NLGN1: variants seen among roughly 807,000 people sequenced by gnomAD.
NLGN1 encodes neuroligin-1.
NLGN1 carries 12 observed loss-of-function variants against 65.5 expected under a neutral mutation model. The observed-to-expected ratio is 0.18, with a 90% confidence interval of 0.12 to 0.30. The LOEUF (loss-of-function observed/expected upper bound fraction) is 0.30, where lower values mean the gene tolerates loss of function less well. Ranked by LOEUF, NLGN1 falls within the 10% of genes least tolerant of loss-of-function variation. The probability of loss-of-function intolerance (pLI) is 1.00; values close to 1 mark genes in which losing one functional copy is unlikely to be tolerated. For missense variants in NLGN1, 750 were observed against 1,007.1 expected (o/e 0.74, Z 3.46); for synonymous variants, 350 against 359.5 (o/e 0.97, Z 0.30).
At chr3:174,269,780 G>T (rs1372112012) in intron 4 of NLGN1, among the ~76,000 whole-genome samples, 1 of 151,670 alleles carries the variant, frequency 6.6e-6, no homozygotes, top group Non-Finnish European at 1.5e-5. Flanking sequence ...TTTTGATAAG[G>T]GTTACATGTT....
At chr3:173,772,339 C>T (rs1477377153) in intron 3 of NLGN1, among the ~76,000 whole-genome samples, 6 of 151,990 alleles carry the variant, frequency 3.9e-5, no homozygotes, top group African/African-American at 7.2e-5. Context: ...AATATGAAGC[C>T]GGGCATGGTG....
intron 4 of NLGN1, among the ~76,000 whole-genome samples, chr3:174,260,783 G>T (rs1246116269): frequency 6.8e-6 from 1 of 148,144 alleles, no homozygotes; most frequent in Non-Finnish European, 1.5e-5. Flanking sequence ...GAATGGTAAT[G>T]CCTAGGTTTT....
At chr3:174,110,664 G>A (rs573387968) in intron 4 of NLGN1, among the ~76,000 whole-genome samples, 2 of 151,994 alleles carry the variant, frequency 1.3e-5, no homozygotes, top group Admixed American at 6.6e-5. Flanking sequence ...AGCGTTAAAG[G>A]ACATTTGCTT....
intron 5 of NLGN1, among the ~76,000 whole-genome samples, chr3:174,278,359 G>A (rs1270666076): frequency 6.6e-6 from 1 of 151,932 alleles, no homozygotes; most frequent in Non-Finnish European, 1.5e-5. Flanking sequence ...CCCAGTCATT[G>A]TATGAGCCTT....
chr3:173,543,300 T>C (rs1447639326), intron 2 of NLGN1, among the ~76,000 whole-genome samples: 3 of 152,140 alleles, frequency 2.0e-5, no homozygotes, highest in East Asian at 1.9e-4. Context: ...TCTGTAAAAA[T>C]AGCAAAAATG....
rs534771377 is a variant in NLGN1, at chr3:173,866,335, A to G, written c.646+58503A>G. Among the ~76,000 whole-genome samples, 3 of 152,304 alleles carry G rather than the reference A, an allele frequency of 2.0e-5. No homozygotes were observed. In the East Asian group the frequency reaches 5.8e-4, roughly 29 times the overall value. ...TCATTGCATTCCAGCCTGGGCAACAAGAGTGAAACTCCATCTCAAAAGAAA... is the reference window on the plus strand; with the variant it reads ...TCATTGCATTCCAGCCTGGGCAACAGGAGTGAAACTCCATCTCAAAAGAAA... On this transcript the variant is annotated intron_variant, in intron 4 of 6. Coordinates refer to ENST00000457714, the Ensembl canonical transcript of NLGN1.
intron 4 of NLGN1, among the ~76,000 whole-genome samples, chr3:173,813,870 G>T (rs948923245): frequency 7.9e-5 from 12 of 152,182 alleles, no homozygotes; most frequent in African/African-American, 2.7e-4. Context: ...TATCATATGG[G>T]TTGTATTTCT....
intron 4 of NLGN1, among the ~76,000 whole-genome samples, chr3:173,927,918 C>T (rs1377414794): frequency 6.6e-6 from 1 of 152,172 alleles, no homozygotes; most frequent in Non-Finnish European, 1.5e-5. Flanking sequence ...AGAGTCCTTA[C>T]TTCTCTGAAG....
At chr3:173,989,031 A>C (rs1041384619) in intron 4 of NLGN1, among the ~76,000 whole-genome samples, 13 of 152,314 alleles carry the variant, frequency 8.5e-5, no homozygotes, top group South Asian at 2.1e-4. Context: ...AATTTTGATG[A>C]GTTGACACTT....
intron 3 of NLGN1, among the ~76,000 whole-genome samples, chr3:173,757,766 G>A (rs896484778): frequency 6.6e-6 from 1 of 151,986 alleles, no homozygotes; most frequent in Non-Finnish European, 1.5e-5. Context: ...TTCTTTAGGT[G>A]TGCAAATGGC....
chr3:173,703,294 G>T (rs1767538331), intron 3 of NLGN1, among the ~76,000 whole-genome samples: 1 of 152,084 alleles, frequency 6.6e-6, no homozygotes, highest in African/African-American at 2.4e-5. Context: ...GTTTAATAAA[G>T]AAATTCTACA....
intron 4 of NLGN1, among the ~76,000 whole-genome samples, chr3:174,206,410 A>G (rs1045481266): frequency 1.3e-5 from 2 of 152,152 alleles, no homozygotes; most frequent in Non-Finnish European, 2.9e-5. Context: ...ATTTCGTTTT[A>G]GCTAGAGCAC....
chr3:173,572,182 G>A (rs1380692240), intron 2 of NLGN1, among the ~76,000 whole-genome samples: 2 of 152,148 alleles, frequency 1.3e-5, no homozygotes, highest in African/African-American at 4.8e-5. Flanking sequence ...TGCATGTAGT[G>A]ATAATTTGAA....
chr3:173,795,316 C>T (rs546801861), intron 3 of NLGN1, among the ~76,000 whole-genome samples: 12 of 152,140 alleles, frequency 7.9e-5, no homozygotes, highest in Non-Finnish European at 1.0e-4. Flanking sequence ...ATAATACAAA[C>T]GTATGACATT....
chr3:174,203,236 A>G (rs1734814536), intron 4 of NLGN1, among the ~76,000 whole-genome samples: 1 of 152,172 alleles, frequency 6.6e-6, no homozygotes, highest in African/African-American at 2.4e-5. Context: ...TGCCCTGTGC[A>G]GTCTCTCAAA....
In NLGN1 at chr3:173,574,632, G is replaced by A. The variant is rs532739756; in HGVS notation, c.-320-29647G>A. Among the ~76,000 whole-genome samples the A allele has an allele frequency of 1.4e-4, 21 of 152,134 alleles. No individual in the cohort carries two copies. The East Asian group carries it at 3.9e-3, about 28-fold the overall frequency. On this transcript the variant is annotated intron_variant, in intron 2 of 6. Transcript: ENST00000457714. ...TGAAACTAACATACTTAATGGACAA[G>A]CCCAATTACAAAACAAATTCCTTTA...
At chr3:173,675,887 T>TCTCTCTCTCACACA (rs756157881) in intron 3 of NLGN1, among the ~76,000 whole-genome samples, 1,633 of 138,566 alleles carry the variant, frequency 0.012, 30 homozygotes, top group African/African-American at 0.04. Flanking sequence ...TCTCTCTCTC[T>TCTCTCTCTCACACA]CACACACACA....
intron 2 of NLGN1, among the ~76,000 whole-genome samples, chr3:173,514,109 T>C (rs1733439209): frequency 2.0e-5 from 3 of 152,180 alleles, no homozygotes. Flanking sequence ...TAAACAATGC[T>C]CAGTACATAA....
chr3:173,762,497 G>T (rs1201990958), intron 3 of NLGN1, among the ~76,000 whole-genome samples: 1 of 152,038 alleles, frequency 6.6e-6, no homozygotes, highest in African/African-American at 2.4e-5. Context: ...ACATGCAAAT[G>T]ATGTGATTTT....
Sources: gnomAD v4.1 joint callset for allele counts (sites outside exome capture counted in the v4.1 genomes callset) on GRCh38, gnomAD v4.1.1 for gene constraint, MANE v1.5 for transcripts, NCBI Gene and HGNC (gene_info 2026-07-23, HGNC 2026-07-21) for gene names.